VIT: variants seen among roughly 807,000 people sequenced by gnomAD.
VIT encodes the protein vitrin.
A neutral mutation model predicts 78.0 loss-of-function variants in VIT; 99 were observed. The observed-to-expected ratio is 1.27, with a 90% CI of 1.08 to 1.50. The LOEUF is 1.50. Ranked by LOEUF, VIT falls within the 40% of genes most tolerant of loss-of-function variation. VIT has a pLI of 0.00. For synonymous variants in VIT, 374 were observed against 334.3 expected, an observed-to-expected ratio of 1.12 and a Z score of -1.29; for missense variants, 1,126 against 875.3, an observed-to-expected ratio of 1.29 and a Z score of -3.61.
At chr2:36,799,023 T>C (rs973232768) in intron 12 of VIT, among the ~76,000 whole-genome samples, 1 of 152,228 alleles carries the variant, frequency 6.6e-6, no homozygotes, top group Non-Finnish European at 1.5e-5. Context: ...AACCTGGTTT[T>C]CTTCTGGTGA....
intron 6 of VIT, among the ~76,000 whole-genome samples, chr2:36,760,784 C>G (rs905380522): frequency 2.0e-5 from 3 of 152,194 alleles, no homozygotes; most frequent in Non-Finnish European, 2.9e-5. Context: ...AAGGTAGATA[C>G]GGATGCCTGG....
chr2:36,801,182 A>G (rs1021135214), intron 12 of VIT, 119 bp from the exon 13 acceptor site: 1 of 909,278 alleles, frequency 1.1e-6, no homozygotes, highest in African/African-American at 1.7e-5. Context: ...TTTACAAGGC[A>G]TAGCAGAAGG....
chr2:36,700,603 A>G (rs1434660993), intron 1 of VIT, among the ~76,000 whole-genome samples: 1 of 152,068 alleles, frequency 6.6e-6, no homozygotes, highest in African/African-American at 2.4e-5. Context: ...TTAGCCAGGC[A>G]TGGCTGTGCT....
chr2:36,769,755 G>T (rs1669637692), intron 7 of VIT, among the ~76,000 whole-genome samples: 1 of 151,922 alleles, frequency 6.6e-6, no homozygotes, highest in South Asian at 2.1e-4. Flanking sequence ...ATATTCATAG[G>T]GTTGTGTGAC....
At chr2:36,735,314 G>A (rs1667447459) in intron 3 of VIT, among the ~76,000 whole-genome samples, 1 of 152,118 alleles carries the variant, frequency 6.6e-6, no homozygotes, top group Non-Finnish European at 1.5e-5. Flanking sequence ...CTAATATTTT[G>A]CTTTTATGTG....
chr2:36,752,624 C>T (rs1016229225), intron 4 of VIT, among the ~76,000 whole-genome samples: 1 of 152,202 alleles, frequency 6.6e-6, no homozygotes, highest in African/African-American at 2.4e-5. Context: ...CCCCATCTGC[C>T]TCGTAAGTGG....
intron 9 of VIT, among the ~76,000 whole-genome samples, chr2:36,775,753 CAG>C (rs1204451533): frequency 6.7e-6 from 1 of 148,526 alleles, no homozygotes; most frequent in Non-Finnish European, 1.5e-5. Flanking sequence ...CTGAGTGCCT[CAG>C]AGTCTCCCAT....
intron 15 of VIT, among the ~76,000 whole-genome samples, chr2:36,810,086 G>A (rs1010293875): frequency 4.6e-5 from 7 of 151,680 alleles, no homozygotes; most frequent in Non-Finnish European, 1.0e-4. Flanking sequence ...GAGGTTGGGA[G>A]TTCGAGACTA....
chr2:36,723,268 C>G (rs1030243308), intron 2 of VIT, among the ~76,000 whole-genome samples: 4 of 152,064 alleles, frequency 2.6e-5, no homozygotes, highest in African/African-American at 9.7e-5. Context: ...AGAAATAATG[C>G]TCTAATGAGC....
Position 36,805,667 on chromosome 2 carries a change from A to G in VIT, c.1389+3A>G, listed in dbSNP as rs1572575672. 2 of 1,611,326 alleles carry G rather than the reference A, an allele frequency of 1.2e-6. No individual in the cohort carries two copies. The highest frequency in any genetic ancestry group is 2.2e-5 in the East Asian group (1 of 44,792). Reference sequence around the variant, plus strand: ...TGGAGCCCAACTTTGCAAACAAGGTAGATGACTGCCCGGAGACCTACCCAA... The same window carrying G: ...TGGAGCCCAACTTTGCAAACAAGGTGGATGACTGCCCGGAGACCTACCCAA... On this transcript the variant is annotated splice_donor_region_variant and intron_variant, in intron 14 of 15. Coordinates refer to ENST00000379242, the MANE Select transcript of VIT (RefSeq NM_053276.4).
chr2:36,790,496 C>A (rs569761970), intron 12 of VIT, among the ~76,000 whole-genome samples: 2 of 152,164 alleles, frequency 1.3e-5, no homozygotes, highest in Non-Finnish European at 2.9e-5. Flanking sequence ...TCTCCACCTG[C>A]GGGACCCATA....
intron 2 of VIT, among the ~76,000 whole-genome samples, chr2:36,729,003 C>T (rs1667031096): frequency 6.6e-6 from 1 of 152,056 alleles, no homozygotes; most frequent in Non-Finnish European, 1.5e-5. Flanking sequence ...TAAGTGTCCT[C>T]TAAAGGTGTA....
At chr2:36,758,702 C>T (rs532425351) in intron 5 of VIT, among the ~76,000 whole-genome samples, 9 of 152,296 alleles carry the variant, frequency 5.9e-5, no homozygotes, top group African/African-American at 9.6e-5. Context: ...CACATCTTCA[C>T]GGGTGAAAGA....
chr2:36,773,332 T>C (rs1229406894), intron 7 of VIT, among the ~76,000 whole-genome samples: 2 of 152,104 alleles, frequency 1.3e-5, no homozygotes, highest in East Asian at 3.8e-4. Flanking sequence ...TTTTTTTTTT[T>C]TCATTTGAAT....
chr2:36,758,847 G>C, intron 5 of VIT, 122 bp from the exon 6 acceptor site: 4 of 857,080 alleles, frequency 4.7e-6, no homozygotes, highest in Non-Finnish European at 3.7e-6. Context: ...TCAGCATGAG[G>C]GAGACTGATT....
At chr2:36,739,155 T>A (rs1262161008) in intron 3 of VIT, among the ~76,000 whole-genome samples, 1 of 103,420 alleles carries the variant, frequency 9.7e-6, no homozygotes, top group African/African-American at 2.7e-5. Context: ...TGATTTTTTT[T>A]ATGTTATAAT....
intron 13 of VIT, among the ~76,000 whole-genome samples, chr2:36,802,783 G>A (rs184370315): frequency 2.0e-3 from 307 of 152,324 alleles, no homozygotes; most frequent in Admixed American, 3.6e-3. Flanking sequence ...CTTTGCCTCT[G>A]TATTGTCCAG....
chr2:36,730,493 G>A (rs1031236471), intron 3 of VIT, among the ~76,000 whole-genome samples: 4 of 152,022 alleles, frequency 2.6e-5, no homozygotes, highest in Non-Finnish European at 5.9e-5. Context: ...CATCCATCAT[G>A]TCCACATTCC....
At chr2:36,753,548 G>A (rs1324687537) in intron 4 of VIT, among the ~76,000 whole-genome samples, 1 of 152,188 alleles carries the variant, frequency 6.6e-6, no homozygotes, top group African/African-American at 2.4e-5. Context: ...TTTAAGTTGT[G>A]AGAACAAGAT....
Sources: gnomAD v4.1 joint callset for allele counts (sites outside exome capture counted in the v4.1 genomes callset) on GRCh38, gnomAD v4.1.1 for gene constraint, MANE v1.5 for transcripts, NCBI Gene and HGNC (gene_info 2026-07-23, HGNC 2026-07-21) for gene names.